The following CACHD1 variants were observed in gnomAD, a reference collection of about 807,000 sequenced individuals.
CACHD1 encodes the protein VWFA and cache domain-containing protein 1.
A neutral mutation model predicts 138.7 loss-of-function variants in CACHD1; 71 were observed. The observed-to-expected ratio is 0.51, with a 90% CI of 0.42 to 0.62. The LOEUF is 0.62. Among genes scored for constraint, CACHD1 ranks in the 20% least tolerant of loss-of-function variants. The probability of loss-of-function intolerance (pLI) is 0.00; values close to 1 mark genes in which losing one functional copy is unlikely to be tolerated. For missense variants in CACHD1, 1,389 were observed against 1,625.3 expected (o/e 0.85, Z 2.50); for synonymous variants, 578 against 591.5 (o/e 0.98, Z 0.33).
At chr1:64,512,251 G>T (rs1646426265) in intron 1 of CACHD1, among the ~76,000 whole-genome samples, 1 of 151,956 alleles carries the variant, frequency 6.6e-6, no homozygotes, top group South Asian at 2.1e-4. Flanking sequence ...AAAATTAGCT[G>T]GTCATGGTGG....
chr1:64,611,562 A>G (rs1365741092), intron 4 of CACHD1, among the ~76,000 whole-genome samples: 1 of 152,230 alleles, frequency 6.6e-6, no homozygotes, highest in Non-Finnish European at 1.5e-5. Context: ...CCAGGGCAGA[A>G]GCAAAAGTCT....
intron 1 of CACHD1, among the ~76,000 whole-genome samples, chr1:64,524,673 A>G (rs1646523085): frequency 6.6e-6 from 1 of 152,256 alleles, no homozygotes; most frequent in Non-Finnish European, 1.5e-5. Flanking sequence ...GGATGGTTCC[A>G]GAGATGACTT....
In CACHD1 at chr1:64,500,732, AAAAGAGAGAGAGAG is replaced by A. The variant is rs1225216651; in HGVS notation, c.198+29792_198+29805del. Among the ~76,000 whole-genome samples, 150 of 51,782 alleles carry A rather than the reference AAAAGAGAGAGAGAG, an allele frequency of 2.9e-3. 5 individuals carry two copies. The highest frequency in any genetic ancestry group is 6.1e-3 in the African/African-American group (139 of 22,752). 34.0% of individuals were successfully genotyped at this position (51,782 alleles called of 152,430 possible). ...CCTTGTCTCTTAAAAAAAAAAAAAA[AAAAGAGAGAGAGAG>A]AGAGAGAGAGAGAGAGAGAGTCCGG... On this transcript the variant is annotated intron_variant, in intron 1 of 26. Transcript: ENST00000651257.
chr1:64,550,955 G>T (rs184075877), intron 2 of CACHD1, among the ~76,000 whole-genome samples: 50 of 152,292 alleles, frequency 3.3e-4, no homozygotes, highest in African/African-American at 1.1e-3. Context: ...TTTATCTGAT[G>T]TAGAAAATAA....
chr1:64,592,035 A>C (rs927103488), intron 3 of CACHD1, among the ~76,000 whole-genome samples: 4 of 152,242 alleles, frequency 2.6e-5, no homozygotes, highest in Admixed American at 6.5e-5. Context: ...TGATGCTGTC[A>C]GAATTAACAA....
Position 64,631,444 on chromosome 1 carries a change from TG to T in CACHD1, c.645-1152del, listed in dbSNP as rs1440225779. On this transcript the variant is annotated intron_variant, in intron 5 of 26. Transcript: ENST00000651257. The stretch of plus-strand genomic sequence containing the variant: ...TACTTTAGTAATTACTGCAGGACTT[TG>T]GGCTTGAGAACAACTAGTGTAAATT... 2.6e-5 allele frequency among the ~76,000 whole-genome samples: 4 copies of T among 152,326 alleles called. No individual in the cohort carries two copies. The East Asian group carries it at 7.7e-4, about 29-fold the overall frequency.
intron 16 of CACHD1, among the ~76,000 whole-genome samples, chr1:64,668,517 C>CA (rs974866952): frequency 4.6e-4 from 70 of 150,560 alleles, no homozygotes; most frequent in Middle Eastern, 6.9e-3. Context: ...GGCTCTGTCT[C>CA]AAAAAAAAAG....
chr1:64,555,315 GT>G (rs1355899053), intron 2 of CACHD1, among the ~76,000 whole-genome samples: 2 of 151,992 alleles, frequency 1.3e-5, no homozygotes, highest in Non-Finnish European at 2.9e-5. Flanking sequence ...AAGAATTAAC[GT>G]TTTAATTTTA....
intron 1 of CACHD1, among the ~76,000 whole-genome samples, chr1:64,471,169 T>C (rs1246027708): frequency 7.2e-5 from 11 of 152,156 alleles, no homozygotes; most frequent in Non-Finnish European, 1.3e-4. Flanking sequence ...TCCCCTGCCC[T>C]CTGCACGGAA....
intron 1 of CACHD1, among the ~76,000 whole-genome samples, chr1:64,500,717 T>TAAAAAAAAAAAAAAAA (rs72436564): frequency 2.1e-3 from 72 of 33,906 alleles, no homozygotes; most frequent in East Asian, 9.1e-3. Flanking sequence ...CCTTGTCTCT[T>TAAAAAAAAAAAAAAAA]AAAAAAAAAA....
chr1:64,507,877 A>C (rs1019657434), intron 1 of CACHD1, among the ~76,000 whole-genome samples: 1 of 152,174 alleles, frequency 6.6e-6, no homozygotes, highest in Non-Finnish European at 1.5e-5. Flanking sequence ...TTAAATCTTA[A>C]AGTAGAAAAA....
At chr1:64,598,995 G>C (rs1647188183) in intron 3 of CACHD1, among the ~76,000 whole-genome samples, 1 of 150,878 alleles carries the variant, frequency 6.6e-6, no homozygotes, top group African/African-American at 2.4e-5. Context: ...TGAAGGCAGA[G>C]CCCCCATGAA....
chr1:64,625,779 A>T (rs59022507), intron 4 of CACHD1, among the ~76,000 whole-genome samples: 1 of 152,174 alleles, frequency 6.6e-6, no homozygotes, highest in Non-Finnish European at 1.5e-5. Flanking sequence ...AAATAAAAAA[A>T]AATTTTTTAA....
At chr1:64,640,089 CCA>C (rs1557533495) in intron 7 of CACHD1, among the ~76,000 whole-genome samples, 1 of 152,186 alleles carries the variant, frequency 6.6e-6, no homozygotes, top group East Asian at 1.9e-4. Flanking sequence ...CTTGCAGAAG[CCA>C]CAGTCTTTTT....
At chr1:64,504,165 A>G (rs1646354921) in intron 1 of CACHD1, among the ~76,000 whole-genome samples, 1 of 152,088 alleles carries the variant, frequency 6.6e-6, no homozygotes, top group South Asian at 2.1e-4. Flanking sequence ...AGTAGCTAGG[A>G]CTACTGGCGT....
intron 16 of CACHD1, among the ~76,000 whole-genome samples, chr1:64,667,045 A>G (rs1402207437): frequency 4.6e-5 from 7 of 152,158 alleles, no homozygotes; most frequent in East Asian, 1.9e-4. Context: ...CCAGAATGCT[A>G]TATCAATATC....
chr1:64,535,494 T>C (rs928873159), intron 1 of CACHD1, among the ~76,000 whole-genome samples: 1 of 151,930 alleles, frequency 6.6e-6, no homozygotes, highest in Non-Finnish European at 1.5e-5. Flanking sequence ...CCTGGTTAAT[T>C]TTGTATTTTT....
At chr1:64,586,626 C>T (rs1353214714) in intron 3 of CACHD1, among the ~76,000 whole-genome samples, 1 of 152,096 alleles carries the variant, frequency 6.6e-6, no homozygotes, top group African/African-American at 2.4e-5. Context: ...TGAGAGTACC[C>T]ACCTCACATG....
intron 1 of CACHD1, among the ~76,000 whole-genome samples, chr1:64,530,423 G>GA (rs546485543): frequency 1.3e-5 from 2 of 151,732 alleles, no homozygotes; most frequent in Admixed American, 1.3e-4. Context: ...TACACATCTG[G>GA]AAAAAAAAGT....
Sources: allele counts gnomAD v4.1 joint callset (sites outside exome capture counted in the v4.1 genomes callset), GRCh38; gene constraint gnomAD v4.1.1; transcripts MANE v1.5; gene names NCBI Gene and HGNC (gene_info 2026-07-23, HGNC 2026-07-21).